PTK2: variants seen among roughly 807,000 people sequenced by gnomAD.
PTK2 encodes focal adhesion kinase 1.
In PTK2, 45 loss-of-function variants were observed where a neutral mutation model predicts 150.1. The observed-to-expected ratio is 0.30, with a 90% CI of 0.24 to 0.38. The LOEUF is 0.38. Among genes scored for constraint, PTK2 ranks in the 10% least tolerant of loss-of-function variants. The probability of loss-of-function intolerance (pLI) is 1.00; values close to 1 mark genes in which losing one functional copy is unlikely to be tolerated. For missense variants in PTK2, 919 were observed against 1,307.3 expected (o/e 0.70, Z 4.58); for synonymous variants, 432 against 449.2 (o/e 0.96, Z 0.48).
chr8:140,769,888 A>C (rs1010309464), intron 14 of PTK2, among the ~76,000 whole-genome samples: 12 of 152,210 alleles, frequency 7.9e-5, no homozygotes, highest in African/African-American at 2.2e-4. Flanking sequence ...CTGCCACACT[A>C]AGCAAAGTTA....
chr8:140,717,111 C>T (rs2100040116), intron 23 of PTK2, among the ~76,000 whole-genome samples: 1 of 152,152 alleles, frequency 6.6e-6, no homozygotes, highest in Admixed American at 6.5e-5. Flanking sequence ...GCTCTCTTTC[C>T]CAACAAACAA....
chr8:140,948,369 G>A (rs1027248439), intron 1 of PTK2, among the ~76,000 whole-genome samples: 2 of 152,078 alleles, frequency 1.3e-5, no homozygotes, highest in Admixed American at 6.5e-5. Flanking sequence ...ATATGAGGCA[G>A]AACAGGGAGA....
intron 31 of PTK2, among the ~76,000 whole-genome samples, chr8:140,663,695 A>G (rs2084504621): frequency 6.6e-6 from 1 of 151,966 alleles, no homozygotes; most frequent in Admixed American, 6.5e-5. Context: ...TTTTTTTTGA[A>G]ACAGGGTTTG....
At chr8:140,755,015 T>C (rs1475187795) in intron 16 of PTK2, among the ~76,000 whole-genome samples, 1 of 152,170 alleles carries the variant, frequency 6.6e-6, no homozygotes, top group East Asian at 1.9e-4. Flanking sequence ...TCAATGAAAA[T>C]ACCACCTTGT....
At chr8:140,917,199 T>C (rs2100165596) in intron 2 of PTK2, among the ~76,000 whole-genome samples, 2 of 152,136 alleles carry the variant, frequency 1.3e-5, no homozygotes, top group African/African-American at 4.8e-5. Context: ...GAGACCAGCC[T>C]GGCCAACATG....
At chr8:140,844,111 G>A (rs1249850811) in intron 7 of PTK2, among the ~76,000 whole-genome samples, 2 of 152,116 alleles carry the variant, frequency 1.3e-5, no homozygotes, top group African/African-American at 4.8e-5. Flanking sequence ...ATTAGACTGT[G>A]GTTATGGGTT....
At chr8:140,957,721 C>T (rs2100181674) in intron 1 of PTK2, among the ~76,000 whole-genome samples, 2 of 152,112 alleles carry the variant, frequency 1.3e-5, no homozygotes, top group African/African-American at 4.8e-5. Flanking sequence ...TGTTTAGATA[C>T]ACACACACTT....
intron 16 of PTK2, among the ~76,000 whole-genome samples, chr8:140,759,196 A>G (rs1242990679): frequency 6.6e-6 from 1 of 152,166 alleles, no homozygotes; most frequent in Non-Finnish European, 1.5e-5. Flanking sequence ...AAAAATCACC[A>G]ATCTAATTTA....
At chr8:140,845,213 C>T (rs559885519) in intron 7 of PTK2, among the ~76,000 whole-genome samples, 9 of 152,156 alleles carry the variant, frequency 5.9e-5, no homozygotes, top group Non-Finnish European at 1.2e-4. Flanking sequence ...TATAATTGTC[C>T]TGCTTGAAAT....
intron 1 of PTK2, among the ~76,000 whole-genome samples, chr8:140,960,644 T>C (rs1269639225): frequency 6.6e-5 from 10 of 152,198 alleles, no homozygotes; most frequent in Admixed American, 6.5e-4. Flanking sequence ...CCAAAATTGT[T>C]CATTGCCACA....
At chr8:140,925,862 A>G (rs1311702403) in intron 1 of PTK2, 113 bp from the exon 2 acceptor site, 1 of 153,338 alleles carries the variant, frequency 6.5e-6, no homozygotes, top group Non-Finnish European at 1.4e-5. Flanking sequence ...CTTGCCAGTC[A>G]TGAAATAGCG....
At chr8:140,732,648 A>G in intron 22 of PTK2, 1 of 488,232 alleles carries the variant, frequency 2.0e-6, no homozygotes, top group Non-Finnish European at 4.2e-6. Context: ...CCTCGAGGGC[A>G]GGAAAAGTGT....
intron 5 of PTK2, among the ~76,000 whole-genome samples, chr8:140,859,417 A>G (rs1206698439): frequency 6.6e-6 from 1 of 152,200 alleles, no homozygotes; most frequent in Non-Finnish European, 1.5e-5. Flanking sequence ...ATAAACATAT[A>G]TCAGATATTA....
chr8:140,776,880 T>C (rs1247245622), intron 14 of PTK2, among the ~76,000 whole-genome samples: 1 of 152,140 alleles, frequency 6.6e-6, no homozygotes, highest in Non-Finnish European at 1.5e-5. Flanking sequence ...AAGAACTGAG[T>C]CCTGGGATCC....
intron 1 of PTK2, among the ~76,000 whole-genome samples, chr8:140,939,927 C>A (rs540513812): frequency 1.3e-5 from 2 of 152,280 alleles, no homozygotes; most frequent in South Asian, 4.1e-4. Context: ...AAAAACAACT[C>A]CAAATCACCA....
At chr8:140,701,727 A>G (rs1366755675) in intron 25 of PTK2, among the ~76,000 whole-genome samples, 1 of 152,156 alleles carries the variant, frequency 6.6e-6, no homozygotes. Flanking sequence ...TTTCAAATAA[A>G]TGGACTAAAG....
chr8:140,916,687 T>C (rs183192458), intron 2 of PTK2, among the ~76,000 whole-genome samples: 53 of 152,308 alleles, frequency 3.5e-4, no homozygotes, highest in African/African-American at 1.2e-3. Flanking sequence ...GTAGAAGACA[T>C]GGTACATATA....
In PTK2 at chr8:140,979,003, G is replaced by A. The variant is rs569277234; in HGVS notation, c.-122+22122C>T. ...AAACCATCATTCTCAGCAAACTATC[G>A]CAAGGACAAAAAAACCAAACACCCC... On this transcript the variant is annotated intron_variant, in intron 1 of 31. Transcript: ENST00000522684. Among the ~76,000 whole-genome samples, 33 of 151,054 alleles carry A rather than the reference G, an allele frequency of 2.2e-4. No homozygotes were observed. The Middle Eastern group carries it at 0.014, about 63-fold the overall frequency.
intron 1 of PTK2, among the ~76,000 whole-genome samples, chr8:140,969,202 CAT>C (rs761312298): frequency 6.6e-6 from 1 of 152,132 alleles, no homozygotes; most frequent in Non-Finnish European, 1.5e-5. Flanking sequence ...CTCCTCCTAA[CAT>C]AACATCCAAA....
Sources: allele counts gnomAD v4.1 joint callset (sites outside exome capture counted in the v4.1 genomes callset), GRCh38; gene constraint gnomAD v4.1.1; transcripts MANE v1.5; gene names NCBI Gene and HGNC (gene_info 2026-07-23, HGNC 2026-07-21).